The following TMEM196 variants were observed in gnomAD, a reference collection of about 807,000 sequenced individuals.
The protein encoded by TMEM196 is transmembrane protein 196.
TMEM196 carries 17 observed loss-of-function variants against 20.0 expected under a neutral mutation model. The observed-to-expected ratio is 0.85, with a 90% confidence interval of 0.58 to 1.27. TMEM196 has a LOEUF of 1.27. Among genes scored for constraint, TMEM196 ranks in the 50% most tolerant of loss-of-function variants. The pLI, the probability that TMEM196 is intolerant of heterozygous loss-of-function variation, is 0.00. For synonymous variants in TMEM196, 113 were observed against 88.9 expected (o/e 1.27, Z -1.52); for missense variants, 267 against 223.0 (o/e 1.20, Z -1.26).
rs985988772 is a variant in TMEM196, at chr7:19,720,082, T to C, written c.*2046A>G. ...TTCAGGAGGACCATACACACACAAA[T>C]ATCTTCATGATGTAATTTAGATTTT... is the stretch of plus-strand genomic sequence containing the variant. On this transcript the variant is annotated 3_prime_UTR_variant, in exon 5 of 5. Transcript: ENST00000405844. The C allele has an allele frequency of 3.3e-5, 5 of 152,102 alleles. No homozygotes were observed. Among genetic ancestry groups the C allele is most frequent in the Non-Finnish European group, 5.9e-5 (4 of 67,948 alleles). 9.4% of individuals were successfully genotyped at this position (152,102 alleles called of 1,614,324 possible).
chr7:19,743,082 G>A (rs117880192), intron 1 of TMEM196, among the ~76,000 whole-genome samples: 2,234 of 152,236 alleles, frequency 0.015, 27 homozygotes, highest in Non-Finnish European at 0.025. Context: ...CTTTGCATGG[G>A]AAGTTTTGTG....
intron 1 of TMEM196, among the ~76,000 whole-genome samples, chr7:19,731,266 T>C (rs1397249927): frequency 6.6e-6 from 1 of 152,174 alleles, no homozygotes; most frequent in East Asian, 1.9e-4. Flanking sequence ...CATGAGAAGA[T>C]AGAAACTCAG....
At chr7:19,760,505 C>T (rs965716153) in intron 1 of TMEM196, among the ~76,000 whole-genome samples, 1 of 151,592 alleles carries the variant, frequency 6.6e-6, no homozygotes, top group African/African-American at 2.4e-5. Context: ...GGATTACAGA[C>T]ATATGCCATC....
At chr7:19,729,689 G>C (rs1784127781) in intron 1 of TMEM196, among the ~76,000 whole-genome samples, 1 of 152,196 alleles carries the variant, frequency 6.6e-6, no homozygotes, top group Non-Finnish European at 1.5e-5. Context: ...AAATTATTAA[G>C]TAAATGAATT....
At chr7:19,757,954 T>TTA (rs1223038234) in intron 1 of TMEM196, among the ~76,000 whole-genome samples, 1 of 146,702 alleles carries the variant, frequency 6.8e-6, no homozygotes, top group Non-Finnish European at 1.5e-5. Flanking sequence ...GAAGCCATTT[T>TTA]TATATATATA....
chr7:19,723,757 A>G (rs1354230546), intron 4 of TMEM196, among the ~76,000 whole-genome samples: 1 of 152,186 alleles, frequency 6.6e-6, no homozygotes, highest in Admixed American at 6.6e-5. Context: ...AAGAACCATT[A>G]CTATTTATTT....
At chr7:19,769,687 T>C (rs924514420) in intron 1 of TMEM196, among the ~76,000 whole-genome samples, 2 of 151,294 alleles carry the variant, frequency 1.3e-5, no homozygotes, top group South Asian at 2.1e-4. Context: ...CAACCTCTGA[T>C]TGAAAATATT....
intron 1 of TMEM196, among the ~76,000 whole-genome samples, chr7:19,755,191 C>G (rs376420827): frequency 2.0e-4 from 30 of 152,164 alleles, no homozygotes; most frequent in African/African-American, 7.2e-4. Flanking sequence ...TAGGCAAAAT[C>G]TAACAAAATA....
intron 1 of TMEM196, among the ~76,000 whole-genome samples, chr7:19,742,628 A>G (rs921402860): frequency 1.3e-5 from 2 of 152,218 alleles, no homozygotes; most frequent in South Asian, 4.1e-4. Flanking sequence ...TGCCGATGCT[A>G]TTTGCCTGTT....
At chr7:19,747,821 C>T (rs1405954723) in intron 1 of TMEM196, among the ~76,000 whole-genome samples, 1 of 152,138 alleles carries the variant, frequency 6.6e-6, no homozygotes, top group East Asian at 1.9e-4. Context: ...AAGATCAGAT[C>T]TTGGGTGATT....
chr7:19,735,788 A>G lies in TMEM196; in HGVS notation c.148-6350T>C, dbSNP rs527701302. On this transcript the variant is annotated intron_variant, in intron 1 of 4. Transcript: ENST00000405844. Reference sequence around the variant, plus strand: ...ACAGCTTATTAAAAATGTTTCCCACATAATATTTAACTACTTCAGATGAAA... The same window carrying G: ...ACAGCTTATTAAAAATGTTTCCCACGTAATATTTAACTACTTCAGATGAAA... Among the ~76,000 whole-genome samples, 4 of 152,278 alleles carry G rather than the reference A, an allele frequency of 2.6e-5. No homozygotes were observed. The East Asian group carries it at 5.8e-4, about 22-fold the overall frequency.
At chr7:19,733,717 T>A (rs1250695336) in intron 1 of TMEM196, among the ~76,000 whole-genome samples, 1 of 151,158 alleles carries the variant, frequency 6.6e-6, no homozygotes, top group Non-Finnish European at 1.5e-5. Flanking sequence ...CCTGGCATCC[T>A]ATGCCTATAC....
At chr7:19,743,220 A>G (rs1214610646) in intron 1 of TMEM196, among the ~76,000 whole-genome samples, 5 of 152,142 alleles carry the variant, frequency 3.3e-5, no homozygotes, top group Non-Finnish European at 7.4e-5. Context: ...GGATCAGACT[A>G]CCTGGATTGA....
chr7:19,768,410 G>A (rs191506959), intron 1 of TMEM196, among the ~76,000 whole-genome samples: 1 of 151,954 alleles, frequency 6.6e-6, no homozygotes, highest in Non-Finnish European at 1.5e-5. Context: ...TCAACCTACA[G>A]CAATAAAATT....
At chr7:19,742,237 T>C (rs1784606405) in intron 1 of TMEM196, among the ~76,000 whole-genome samples, 1 of 152,206 alleles carries the variant, frequency 6.6e-6, no homozygotes, top group African/African-American at 2.4e-5. Flanking sequence ...TCAGGTACTA[T>C]ACTTTTCATG....
In TMEM196 at chr7:19,725,404, A is replaced by T. The variant is rs1378762778; in HGVS notation, c.459+110T>A. On this transcript the variant is annotated intron_variant, in intron 3 of 4. Coordinates refer to ENST00000405844, the MANE Select transcript of TMEM196 (RefSeq NM_001363562.2). ...TTCTTAACCCAATAGAGCCAAATGT[A>T]TAAAATCTGATTCCTCAAATTGTGA... 4 of 1,396,906 alleles carry T rather than the reference A, an allele frequency of 2.9e-6. No individual in the cohort carries two copies. The African/African-American group carries it at 5.7e-5, about 20-fold the overall frequency. 86.5% of individuals were successfully genotyped at this position (1,396,906 alleles called of 1,614,324 possible).
intron 1 of TMEM196, among the ~76,000 whole-genome samples, chr7:19,753,001 C>T (rs1405738519): frequency 2.6e-5 from 4 of 152,176 alleles, no homozygotes; most frequent in African/African-American, 7.2e-5. Context: ...AATTTGACAA[C>T]TGGTCTACTG....
chr7:19,758,612 A>C (rs1427015082), intron 1 of TMEM196, among the ~76,000 whole-genome samples: 2 of 152,210 alleles, frequency 1.3e-5, no homozygotes, highest in East Asian at 3.8e-4. Flanking sequence ...GAAATGATGA[A>C]TTTAGAATAA....
At position 19,721,967 on chromosome 7, in the gene TMEM196, G is replaced by T. The variant is rs1783828137; in HGVS notation, c.*161C>A. On this transcript the variant is annotated 3_prime_UTR_variant, in exon 5 of 5. Coordinates refer to ENST00000405844, the MANE Select transcript of TMEM196 (RefSeq NM_001363562.2). ...TTTAGGAAGAATAATTTTAGTGGAT[G>T]CTCAGGAGAGATAAATGCAAATGCA... 1 of 909,894 alleles carries T rather than the reference G, an allele frequency of 1.1e-6. No homozygotes were observed. The highest frequency in any genetic ancestry group is 1.7e-6 in the Non-Finnish European group (1 of 583,552). The allele number at this position is 909,894 out of a possible 1,614,324, so 56.4% of individuals were successfully genotyped here.
Sources: gnomAD v4.1 joint callset for allele counts (sites outside exome capture counted in the v4.1 genomes callset) on GRCh38, gnomAD v4.1.1 for gene constraint, MANE v1.5 for transcripts, NCBI Gene and HGNC (gene_info 2026-07-23, HGNC 2026-07-21) for gene names.